The following DYNC1I1 variants were observed in gnomAD, a reference collection of about 807,000 sequenced individuals.
The protein encoded by DYNC1I1 is dynein cytoplasmic 1 intermediate chain 1, also known as cytoplasmic dynein 1 intermediate chain 1.
DYNC1I1 carries 43 observed loss-of-function variants against 86.6 expected under a neutral mutation model. The ratio of observed to expected loss-of-function variants is 0.50; its 90% CI spans 0.39 to 0.64. DYNC1I1 has a LOEUF of 0.64. DYNC1I1 is among the 30% of genes least tolerant of loss of function. DYNC1I1 has a pLI of 0.00. For synonymous variants in DYNC1I1, 262 were observed against 283.7 expected (o/e 0.92, Z 0.77); for missense variants, 604 against 788.8 (o/e 0.77, Z 2.81).
At chr7:95,785,165 G>A (rs1023928885) in intron 1 of DYNC1I1, among the ~76,000 whole-genome samples, 2 of 152,164 alleles carry the variant, frequency 1.3e-5, no homozygotes, top group African/African-American at 4.8e-5. Context: ...GCTCATGCCT[G>A]TAATCCCAGG....
rs144948644 is a variant in DYNC1I1 at position 96,036,907 on chromosome 7, AG to A, written c.1364+1158del. Among the ~76,000 whole-genome samples, 941 of 152,334 alleles carry A rather than the reference AG, an allele frequency of 6.2e-3. 6 individuals carry two copies. The highest frequency in any genetic ancestry group is 0.021 in the African/African-American group (892 of 41,586). On this transcript the variant is annotated intron_variant, in intron 13 of 16. Transcript: ENST00000447467. ...AACAGGTGGCCTCATGTCTTTTGAA[AG>A]GGTCACTATGTTCACACTGGTGCTT...
chr7:95,992,957 G>A (rs1793768121), intron 9 of DYNC1I1, among the ~76,000 whole-genome samples: 2 of 152,152 alleles, frequency 1.3e-5, no homozygotes, highest in South Asian at 4.1e-4. Context: ...AAATGGGGTT[G>A]AGAGCATATC....
At chr7:95,845,164 A>G (rs1297754740) in intron 5 of DYNC1I1, among the ~76,000 whole-genome samples, 1 of 152,176 alleles carries the variant, frequency 6.6e-6, no homozygotes, top group Non-Finnish European at 1.5e-5. Flanking sequence ...TTCTTTCTCT[A>G]AACTGTCTTC....
At chr7:96,108,937 T>C (rs748504819) in intron 16 of DYNC1I1, among the ~76,000 whole-genome samples, 8 of 152,116 alleles carry the variant, frequency 5.3e-5, no homozygotes, top group Non-Finnish European at 1.2e-4. Context: ...TTCTTTCTTC[T>C]TCAGTGACTT....
intron 6 of DYNC1I1, among the ~76,000 whole-genome samples, chr7:95,964,707 A>G (rs1792963180): frequency 6.6e-6 from 1 of 152,212 alleles, no homozygotes; most frequent in African/African-American, 2.4e-5. Flanking sequence ...TTAAAAAACA[A>G]GTGAAGGTGA....
chr7:95,872,778 A>C (rs1790206486), intron 6 of DYNC1I1, among the ~76,000 whole-genome samples: 1 of 152,200 alleles, frequency 6.6e-6, no homozygotes, highest in Admixed American at 6.5e-5. Flanking sequence ...AATATATTTG[A>C]AACACATAAT....
At chr7:95,825,727 A>G (rs2690283) in intron 4 of DYNC1I1, among the ~76,000 whole-genome samples, 95,589 of 151,990 alleles carry the variant, frequency 0.63, 30,664 homozygotes, top group African/African-American at 0.75. Context: ...GGTGGCCTGG[A>G]TCTGATGCCA....
At chr7:95,804,346 TATC>T (rs1794654706) in intron 1 of DYNC1I1, 1 of 1,276,240 alleles carries the variant, frequency 7.8e-7, no homozygotes, top group Non-Finnish European at 1.0e-6. Context: ...ATTGCTCCAT[TATC>T]ATCTAAATTG....
chr7:95,774,415 C>G (rs1793789499), intron 1 of DYNC1I1, among the ~76,000 whole-genome samples: 1 of 152,174 alleles, frequency 6.6e-6, no homozygotes, highest in African/African-American at 2.4e-5. Context: ...TCCTTCCCCA[C>G]CCCCAGCCTT....
In DYNC1I1 at chr7:95,967,733, T is replaced by C. The variant is rs368629480; in HGVS notation, c.491-9779T>C. On this transcript the variant is annotated intron_variant, in intron 6 of 16. Coordinates refer to ENST00000447467, the MANE Select transcript of DYNC1I1 (RefSeq NM_001135556.2). ...TTTACCTGTTTTGTTCACTGCTGCA[T>C]CTCCAATACGTAGAATATACCCAGC... Among the ~76,000 whole-genome samples the C allele has an allele frequency of 5.3e-5, 8 of 152,304 alleles. No homozygotes were observed. In the South Asian group the frequency reaches 1.4e-3, roughly 28 times the overall value.
At chr7:96,074,332 G>A in intron 14 of DYNC1I1, among the ~76,000 whole-genome samples, 1 of 152,008 alleles carries the variant, frequency 6.6e-6, no homozygotes, top group Non-Finnish European at 1.5e-5. Flanking sequence ...GGCGGATCAC[G>A]AGGTCAGGAG....
chr7:95,937,003 C>G (rs2116429467), intron 6 of DYNC1I1, among the ~76,000 whole-genome samples: 1 of 143,300 alleles, frequency 7.0e-6, no homozygotes, highest in South Asian at 2.2e-4. Flanking sequence ...TACTATTCAG[C>G]AATTACAAAA....
chr7:96,046,747 C>T (rs547134638), intron 14 of DYNC1I1, among the ~76,000 whole-genome samples: 12 of 152,252 alleles, frequency 7.9e-5, no homozygotes, highest in African/African-American at 2.9e-4. Context: ...GACCAGCAGA[C>T]CTGATTTGAG....
intron 6 of DYNC1I1, among the ~76,000 whole-genome samples, chr7:95,882,911 C>G (rs555413924): frequency 1.2e-4 from 18 of 152,214 alleles, no homozygotes; most frequent in African/African-American, 4.1e-4. Flanking sequence ...TCATCTGAAG[C>G]CTATTTGTAC....
intron 9 of DYNC1I1, among the ~76,000 whole-genome samples, chr7:95,989,627 G>A (rs1396427494): frequency 1.3e-5 from 2 of 152,192 alleles, no homozygotes; most frequent in Admixed American, 1.3e-4. Context: ...TAGGTGATGG[G>A]CCACATTGCC....
chr7:96,061,712 TCACACACACA>T (rs147547424), intron 14 of DYNC1I1, among the ~76,000 whole-genome samples: 3 of 136,814 alleles, frequency 2.2e-5, no homozygotes, highest in African/African-American at 5.6e-5. Context: ...TCTCTCTCTC[TCACACACACA>T]CACACACACA....
intron 5 of DYNC1I1, among the ~76,000 whole-genome samples, chr7:95,860,419 A>G (rs2116117794): frequency 6.6e-6 from 1 of 152,314 alleles, no homozygotes; most frequent in East Asian, 1.9e-4. Flanking sequence ...GAAATTTTAG[A>G]GTACTAGGAA....
intron 5 of DYNC1I1, among the ~76,000 whole-genome samples, chr7:95,855,163 G>T (rs1042424980): frequency 6.6e-6 from 1 of 152,028 alleles, no homozygotes; most frequent in African/African-American, 2.4e-5. Context: ...GTTTTTGTTT[G>T]GGAAAATCTT....
At chr7:96,108,839 C>T (rs1036538156) in intron 16 of DYNC1I1, among the ~76,000 whole-genome samples, 11 of 139,568 alleles carry the variant, frequency 7.9e-5, no homozygotes, top group African/African-American at 2.2e-4. Flanking sequence ...CCAGCCTTGG[C>T]GACAGAGTAA....
Sources: allele counts gnomAD v4.1 joint callset (sites outside exome capture counted in the v4.1 genomes callset), GRCh38; gene constraint gnomAD v4.1.1; transcripts MANE v1.5; gene names NCBI Gene and HGNC (gene_info 2026-07-23, HGNC 2026-07-21).